ATP2B2: variants seen among roughly 807,000 people sequenced by gnomAD.
ATP2B2 encodes plasma membrane calcium-transporting ATPase 2.
ATP2B2 carries 15 observed loss-of-function variants against 120.0 expected under a neutral mutation model. That is an observed-to-expected ratio of 0.12 (90% confidence interval 0.08 to 0.19). The LOEUF (loss-of-function observed/expected upper bound fraction) is 0.19. Ranked by LOEUF, ATP2B2 falls within the 10% of genes least tolerant of loss-of-function variation. The pLI is 1.00. For synonymous variants in ATP2B2, 694 were observed against 700.3 expected (o/e 0.99, Z 0.14); for missense variants, 1,045 against 1,719.8 (o/e 0.61, Z 6.94).
chr3:10,381,083 C>T (rs149616715), intron 8 of ATP2B2, among the ~76,000 whole-genome samples: 2,653 of 152,302 alleles, frequency 0.017, 40 homozygotes, highest in Non-Finnish European at 0.028. Context: ...TGTCACTGTG[C>T]CCACTTTCTG....
chr3:10,332,624 G>A lies in ATP2B2; in HGVS notation c.3421-3499C>T, dbSNP rs181645671. 5.7e-3 allele frequency among the ~76,000 whole-genome samples: 866 copies of A among 152,256 alleles called. 7 individuals are homozygous for A. Among genetic ancestry groups the A allele is most frequent in the African/African-American group, 0.02 (832 of 41,536 alleles). On this transcript the variant is annotated intron_variant, in intron 22 of 22. Coordinates refer to ENST00000360273, the MANE Select transcript of ATP2B2 (RefSeq NM_001001331.4). ...GGACTGACTCCTTTTCACGATATGA[G>A]GCTGTGGGCGTGGGCACTGGTTCCG...
At chr3:10,556,190 G>T (rs1266684472) in intron 2 of ATP2B2, among the ~76,000 whole-genome samples, 1 of 152,214 alleles carries the variant, frequency 6.6e-6, no homozygotes, top group Non-Finnish European at 1.5e-5. Flanking sequence ...GTGAGCCACT[G>T]TGCTTGGCCA....
intron 2 of ATP2B2, among the ~76,000 whole-genome samples, chr3:10,540,159 C>G (rs1053843239): frequency 2.2e-4 from 33 of 152,088 alleles, no homozygotes; most frequent in African/African-American, 8.0e-4. Flanking sequence ...CAAATCAAAA[C>G]CACAATGAGA....
intron 1 of ATP2B2, among the ~76,000 whole-genome samples, chr3:10,700,654 T>C (rs1030863158): frequency 2.0e-5 from 3 of 152,206 alleles, no homozygotes; most frequent in African/African-American, 7.2e-5. Flanking sequence ...TCCAAACAAG[T>C]TGTGATTATT....
intron 5 of ATP2B2, among the ~76,000 whole-genome samples, chr3:10,389,524 T>C (rs1236176720): frequency 6.6e-6 from 1 of 152,200 alleles, no homozygotes; most frequent in African/African-American, 2.4e-5. Flanking sequence ...AAATACTATA[T>C]GATTCCACCT....
chr3:10,622,207 GGCGGCCAGGCCTGTCTTTATCAGCCGT>G (rs2069571314), intron 1 of ATP2B2, among the ~76,000 whole-genome samples: 2 of 152,268 alleles, frequency 1.3e-5, no homozygotes, highest in South Asian at 4.2e-4. Flanking sequence ...TAGAGCTGTG[GGCGGCCAGGCCTGTCTTTATCAGCCGT>G]GCCCCCATCT....
chr3:10,475,139 A>G (rs1000605284), intron 1 of ATP2B2, among the ~76,000 whole-genome samples: 10 of 152,244 alleles, frequency 6.6e-5, no homozygotes, highest in Non-Finnish European at 1.5e-4. Flanking sequence ...CACACTGAAC[A>G]TTTGCTGAGC....
At chr3:10,675,089 A>G (rs2071208199) in intron 1 of ATP2B2, among the ~76,000 whole-genome samples, 1 of 152,216 alleles carries the variant, frequency 6.6e-6, no homozygotes, top group Admixed American at 6.5e-5. Flanking sequence ...TAAACATTTT[A>G]GGCAAGAACT....
intron 2 of ATP2B2, among the ~76,000 whole-genome samples, chr3:10,445,945 C>G (rs2063822851): frequency 1.3e-5 from 2 of 152,212 alleles, no homozygotes; most frequent in South Asian, 4.1e-4. Context: ...CCATATGAGA[C>G]AGAGTAAAGG....
chr3:10,595,913 A>G (rs1343282924), intron 2 of ATP2B2, among the ~76,000 whole-genome samples: 23 of 151,888 alleles, frequency 1.5e-4, no homozygotes, highest in Admixed American at 1.5e-3. Context: ...TGAGCACCAT[A>G]CTCTAGCCAC....
upstream of ATP2B2, chr3:10,708,018 T>C (rs1364231094): frequency 7.2e-6 from 1 of 138,530 alleles, no homozygotes; most frequent in East Asian, 2.2e-4. Context: ...GCGGCTCCTC[T>C]GCCGCGGCTG....
chr3:10,587,660 A>C (rs2068542654), intron 2 of ATP2B2, among the ~76,000 whole-genome samples: 1 of 152,190 alleles, frequency 6.6e-6, no homozygotes, highest in Non-Finnish European at 1.5e-5. Context: ...GATTACAGGC[A>C]TGAGCCACCG....
chr3:10,492,240 C>A lies in ATP2B2; in HGVS notation c.-320+13225G>T, dbSNP rs540041260. On this transcript the variant is annotated intron_variant, in intron 1 of 22. Transcript: ENST00000360273. ...GCTCTGCTGGGGGAGAAGCTGGGGG[C>A]TTTTCGGGGGGTGGGGCAGGTAAGC... is the stretch of plus-strand genomic sequence containing the variant. Among the ~76,000 whole-genome samples, 11 of 148,540 alleles carry A rather than the reference C, an allele frequency of 7.4e-5. No individual in the cohort carries two copies. In the South Asian group the frequency reaches 1.5e-3, roughly 20 times the overall value.
chr3:10,328,794 G>A lies in ATP2B2; in HGVS notation c.*20C>T. On this transcript the variant is annotated 3_prime_UTR_variant, in exon 23 of 23. Transcript: ENST00000360273. Reference sequence around the variant, plus strand: ...CAGCGGGGTCCATGAGGGCGGGCGGGCAGGCGAGAGGGTCCTCAGCTAAAG... The same window carrying A: ...CAGCGGGGTCCATGAGGGCGGGCGGACAGGCGAGAGGGTCCTCAGCTAAAG... 6.3e-7 allele frequency: 1 copy of A among 1,589,466 alleles called. No individual in the cohort carries two copies.
intron 2 of ATP2B2, among the ~76,000 whole-genome samples, chr3:10,614,514 T>C (rs548705582): frequency 6.6e-6 from 1 of 152,330 alleles, no homozygotes; most frequent in South Asian, 2.1e-4. Context: ...CCTTCAAAAA[T>C]CACAAGATTA....
intron 1 of ATP2B2, among the ~76,000 whole-genome samples, chr3:10,503,531 C>T (rs1655690848): frequency 6.6e-6 from 1 of 152,244 alleles, no homozygotes; most frequent in African/African-American, 2.4e-5. Context: ...ATCGGAAGTC[C>T]CTTAAGGGGC....
chr3:10,520,173 T>A (rs1039825727), intron 3 of ATP2B2, among the ~76,000 whole-genome samples: 4 of 152,220 alleles, frequency 2.6e-5, no homozygotes, highest in African/African-American at 9.6e-5. Context: ...CGGCTGCCTG[T>A]CCTTAGCCAG....
chr3:10,673,895 T>C (rs1418319783), intron 1 of ATP2B2, among the ~76,000 whole-genome samples: 1 of 147,502 alleles, frequency 6.8e-6, no homozygotes, highest in Non-Finnish European at 1.5e-5. Flanking sequence ...AAAAAACATA[T>C]GAAAGAGAAC....
chr3:10,495,685 C>T (rs543024614), intron 1 of ATP2B2, among the ~76,000 whole-genome samples: 1 of 152,314 alleles, frequency 6.6e-6, no homozygotes, highest in Admixed American at 6.5e-5. Flanking sequence ...TAGAAACAGC[C>T]CTGGGTCCCA....
Sources: allele counts gnomAD v4.1 joint callset (sites outside exome capture counted in the v4.1 genomes callset), GRCh38; gene constraint gnomAD v4.1.1; transcripts MANE v1.5; gene names NCBI Gene and HGNC (gene_info 2026-07-23, HGNC 2026-07-21).